The following ARHGEF28 variants were observed in gnomAD, a reference collection of about 807,000 sequenced individuals.
ARHGEF28 encodes 190 kDa guanine nucleotide exchange factor.
In ARHGEF28, 152 loss-of-function variants were observed where a neutral mutation model predicts 206.6. The ratio of observed to expected loss-of-function variants is 0.74; its 90% CI spans 0.64 to 0.84. The LOEUF is 0.84. ARHGEF28 is among the 40% of genes least tolerant of loss of function. The pLI is 0.00. For synonymous variants in ARHGEF28, 763 were observed against 776.4 expected (o/e 0.98, Z 0.29); for missense variants, 2,028 against 2,073.2 (o/e 0.98, Z 0.42).
At chr5:73,919,121 C>T (rs1763379765) in intron 35 of ARHGEF28, among the ~76,000 whole-genome samples, 1 of 152,136 alleles carries the variant, frequency 6.6e-6, no homozygotes, top group Non-Finnish European at 1.5e-5. Flanking sequence ...AATGCCTGGC[C>T]TGTCCCGGGG....
Position 73,741,341 on chromosome 5 carries a change from ATGTGTGTGTGTGTGTGTG to A in ARHGEF28, c.34-8468_34-8451del, listed in dbSNP as rs369851573. On this transcript the variant is annotated intron_variant, in intron 2 of 35. Transcript: ENST00000513042. ...AAAGTCGTCTAGATTTTAAATTTATATGTGTGTGTGTGTGTGTGTGTGTGTGTGTGTGTGTGTGTGTGT... is the reference window on the plus strand; with the variant it reads ...AAAGTCGTCTAGATTTTAAATTTATATGTGTGTGTGTGTGTGTGTGTGTGT... Among the ~76,000 whole-genome samples, 6 of 66,162 alleles carry A rather than the reference ATGTGTGTGTGTGTGTGTG, an allele frequency of 9.1e-5. No homozygotes were observed. The South Asian group carries it at 1.8e-3, about 20-fold the overall frequency. 43.4% of individuals were successfully genotyped at this position (66,162 alleles called of 152,430 possible).
At chr5:73,897,013 T>A (rs2112697132) in intron 29 of ARHGEF28, among the ~76,000 whole-genome samples, 1 of 152,342 alleles carries the variant, frequency 6.6e-6, no homozygotes, top group African/African-American at 2.4e-5. Context: ...GAGGGAGTTA[T>A]CTTCCGACAA....
At chr5:73,813,652 C>T (rs1193206111) in intron 9 of ARHGEF28, 4 of 1,535,598 alleles carry the variant, frequency 2.6e-6, no homozygotes, top group African/African-American at 2.7e-5. Flanking sequence ...AATGAAGATT[C>T]GAAGAAGGAC....
At chr5:73,731,612 A>G (rs963109950) in intron 2 of ARHGEF28, among the ~76,000 whole-genome samples, 1 of 152,118 alleles carries the variant, frequency 6.6e-6, no homozygotes, top group Non-Finnish European at 1.5e-5. Context: ...TGGTCATGGA[A>G]TGAGAATTGC....
chr5:73,909,870 C>A lies in ARHGEF28; in HGVS notation c.4620C>A (p.Pro1540=). Residue 1540 remains proline (P), a synonymous_variant, in exon 34 of 36, where the codon CCC becomes CCA. Coordinates refer to ENST00000513042, the MANE Select transcript of ARHGEF28 (RefSeq NM_001177693.2). ...HWKHGRQRSL[P]AVLLPGGPEV... ...AGCACGGCCGGCAGAGGAGCCTGCC[C>A]GCGGTGCTCCTTCCGGGTGGCCCCG... The A allele has an allele frequency of 6.6e-7, 1 of 1,521,302 alleles. No homozygotes were observed. Among genetic ancestry groups the A allele is most frequent in the Non-Finnish European group, 8.7e-7 (1 of 1,148,406 alleles). The allele number at this position is 1,521,302 out of a possible 1,614,324, so 94.2% of individuals were successfully genotyped here.
At chr5:73,636,782 G>T (rs906738810) in intron 1 of ARHGEF28, among the ~76,000 whole-genome samples, 6 of 152,152 alleles carry the variant, frequency 3.9e-5, no homozygotes, top group Non-Finnish European at 8.8e-5. Flanking sequence ...GAAACCCAAG[G>T]GGCCAGGGTC....
chr5:73,665,096 A>C (rs56912212), intron 1 of ARHGEF28, among the ~76,000 whole-genome samples: 3,043 of 152,128 alleles, frequency 0.02, 99 homozygotes, highest in African/African-American at 0.07. Flanking sequence ...CCTTTGCCTG[A>C]AGGATAGCAG....
intron 14 of ARHGEF28, 106 bp from the exon 15 acceptor site, chr5:73,857,550 C>A: frequency 2.6e-6 from 3 of 1,171,976 alleles, no homozygotes; most frequent in African/African-American, 1.6e-5. Flanking sequence ...AATACATACA[C>A]ATACATATAT....
Position 73,730,660 on chromosome 5 carries a change from G to A in ARHGEF28, c.34-19177G>A, listed in dbSNP as rs534969864. Among the ~76,000 whole-genome samples the A allele has an allele frequency of 2.7e-3, 406 of 149,942 alleles. 1 individual carries two copies. Among genetic ancestry groups the A allele is most frequent in the Non-Finnish European group, 3.7e-3 (251 of 67,774 alleles). The stretch of plus-strand genomic sequence containing the variant: ...GGTGATCCTCCTACCTCAGGCCCCC[G>A]AGTAGTTGGGACTACAGGTGTGTGC... On this transcript the variant is annotated intron_variant, in intron 2 of 35. Transcript: ENST00000513042.
At chr5:73,858,261 C>A in intron 16 of ARHGEF28, 42 bp downstream of exon 16, 2 of 1,528,720 alleles carry the variant, frequency 1.3e-6, no homozygotes, top group South Asian at 1.3e-5. Context: ...GTTTTCATCT[C>A]CTGACAGTAA....
intron 1 of ARHGEF28, among the ~76,000 whole-genome samples, chr5:73,651,576 T>C (rs1744834677): frequency 6.6e-6 from 1 of 152,198 alleles, no homozygotes; most frequent in Non-Finnish European, 1.5e-5. Context: ...AAACCTGCAG[T>C]CAATGACAGC....
chr5:73,754,563 G>A (rs947285960), intron 4 of ARHGEF28, among the ~76,000 whole-genome samples: 4 of 152,048 alleles, frequency 2.6e-5, no homozygotes, highest in African/African-American at 9.7e-5. Context: ...AAGGTCTTGG[G>A]ATACACCATT....
rs893299448 is a variant in ARHGEF28 at position 73,701,099 on chromosome 5, C to A, written c.33+16215C>A. Among the ~76,000 whole-genome samples the A allele has an allele frequency of 2.6e-5, 4 of 152,198 alleles. No homozygotes were observed. The East Asian group carries it at 7.7e-4, about 29-fold the overall frequency. ...TAGAAAAGTTACCTATACATAAAAT[C>A]CTGTTTTAGCAGTACAGTGTCCTCT... On this transcript the variant is annotated intron_variant, in intron 2 of 35. Coordinates refer to ENST00000513042, the MANE Select transcript of ARHGEF28 (RefSeq NM_001177693.2).
chr5:73,769,691 C>G (rs112851143), intron 4 of ARHGEF28, among the ~76,000 whole-genome samples: 39 of 152,110 alleles, frequency 2.6e-4, no homozygotes, highest in African/African-American at 8.9e-4. Flanking sequence ...ACTGGATTTG[C>G]GTTAGTTTCT....
rs916674015 is a variant in ARHGEF28, at chr5:73,644,688, C to A, written c.-12+18366C>A. Among the ~76,000 whole-genome samples, 5 of 152,168 alleles carry A rather than the reference C, an allele frequency of 3.3e-5. No homozygotes were observed. The East Asian group carries it at 9.6e-4, about 29-fold the overall frequency. ...TTCCTTTTGCTTATCATTTATTTTT[C>A]TCTTGCCTGTCTCCTCCCTGCACAA... is the stretch of plus-strand genomic sequence containing the variant. On this transcript the variant is annotated intron_variant, in intron 1 of 35. Transcript: ENST00000513042.
At chr5:73,913,284 A>G (rs1300330850) in intron 35 of ARHGEF28, among the ~76,000 whole-genome samples, 1 of 152,206 alleles carries the variant, frequency 6.6e-6, no homozygotes, top group Non-Finnish European at 1.5e-5. Flanking sequence ...TAGGGATTAC[A>G]TCAGAAATGC....
At chr5:73,645,309 G>A (rs542882289) in intron 1 of ARHGEF28, among the ~76,000 whole-genome samples, 138 of 152,110 alleles carry the variant, frequency 9.1e-4, no homozygotes, top group African/African-American at 3.3e-3. Flanking sequence ...TACTGTATCT[G>A]GCTTCTCAGG....
At chr5:73,631,213 T>C (rs1434460282) in intron 1 of ARHGEF28, among the ~76,000 whole-genome samples, 1 of 152,188 alleles carries the variant, frequency 6.6e-6, no homozygotes, top group African/African-American at 2.4e-5. Flanking sequence ...CTTTTAAGTA[T>C]GGTGAAAAGC....
intron 13 of ARHGEF28, 56 bp from the exon 14 acceptor site, chr5:73,852,594 A>G (rs1758772439): frequency 1.3e-6 from 2 of 1,513,008 alleles, no homozygotes; most frequent in East Asian, 2.2e-5. Flanking sequence ...TCAGACTAAC[A>G]TATGACTGCC....
Sources: gnomAD v4.1 joint callset for allele counts (sites outside exome capture counted in the v4.1 genomes callset) on GRCh38, gnomAD v4.1.1 for gene constraint, MANE v1.5 for transcripts, NCBI Gene and HGNC (gene_info 2026-07-23, HGNC 2026-07-21) for gene names.